The following HCN1 variants were observed in gnomAD, a reference collection of about 807,000 sequenced individuals.
The protein encoded by HCN1 is hyperpolarization activated cyclic nucleotide gated potassium channel 1.
A neutral mutation model predicts 78.9 loss-of-function variants in HCN1; 13 were observed. The observed-to-expected ratio is 0.16, with a 90% CI of 0.11 to 0.26. HCN1 has a LOEUF of 0.26. Ranked by LOEUF, HCN1 falls within the 10% of genes least tolerant of loss-of-function variation. The pLI, the probability that HCN1 is intolerant of heterozygous loss-of-function variation, is 1.00. For synonymous variants in HCN1, 552 were observed against 455.5 expected (o/e 1.21, Z -2.70); for missense variants, 810 against 1,154.3 (o/e 0.70, Z 4.32).
At chr5:45,452,510 T>C (rs1468791436) in intron 3 of HCN1, among the ~76,000 whole-genome samples, 4 of 151,572 alleles carry the variant, frequency 2.6e-5, no homozygotes, top group South Asian at 2.1e-4. Flanking sequence ...GTATATAAGA[T>C]AGTAAGATAG....
At chr5:45,329,632 G>T (rs757722361) in intron 5 of HCN1, among the ~76,000 whole-genome samples, 1 of 151,342 alleles carries the variant, frequency 6.6e-6, no homozygotes, top group Non-Finnish European at 1.5e-5. Context: ...AATTATTTTT[G>T]CAATGACTCA....
intron 1 of HCN1, among the ~76,000 whole-genome samples, chr5:45,667,202 T>C (rs991013268): frequency 6.6e-6 from 1 of 151,980 alleles, no homozygotes; most frequent in African/African-American, 2.4e-5. Context: ...CTTTCAACTA[T>C]CAGGAGCCCC....
intron 5 of HCN1, among the ~76,000 whole-genome samples, chr5:45,310,828 C>T (rs1245454551): frequency 6.6e-6 from 1 of 152,104 alleles, no homozygotes; most frequent in Admixed American, 6.6e-5. Context: ...GAATACTATG[C>T]AGCCATAAAA....
At position 45,302,449 on chromosome 5, in the gene HCN1, T is replaced by G. The variant is rs141698174; in HGVS notation, c.1618+1150A>C. On this transcript the variant is annotated intron_variant, in intron 6 of 7. Transcript: ENST00000303230. ...ACGGTCTCAGGTATTTACAGTAGTG[T>G]GAAAATGGACTAATACACAAGACAA... Among the ~76,000 whole-genome samples the G allele has an allele frequency of 2.3e-3, 356 of 152,066 alleles. 2 individuals carry two copies. Among genetic ancestry groups the G allele is most frequent in the South Asian group, 5.4e-3 (26 of 4,820 alleles).
At chr5:45,646,063 G>A (rs1745542907) in intron 1 of HCN1, among the ~76,000 whole-genome samples, 1 of 151,806 alleles carries the variant, frequency 6.6e-6, no homozygotes, top group Admixed American at 6.6e-5. Flanking sequence ...AAAAAACCCA[G>A]AAATAAATAG....
At chr5:45,678,311 A>T (rs1739634763) in intron 1 of HCN1, among the ~76,000 whole-genome samples, 1 of 151,944 alleles carries the variant, frequency 6.6e-6, no homozygotes, top group South Asian at 2.1e-4. Flanking sequence ...CTGAAACCGT[A>T]TGCATTGTTT....
intron 3 of HCN1, among the ~76,000 whole-genome samples, chr5:45,397,809 G>T (rs1184559484): frequency 6.6e-6 from 1 of 151,346 alleles, no homozygotes. Flanking sequence ...GTATTAATGT[G>T]ATATTTTGAT....
chr5:45,628,254 A>G (rs1266409642), intron 2 of HCN1, among the ~76,000 whole-genome samples: 1 of 152,192 alleles, frequency 6.6e-6, no homozygotes, highest in African/African-American at 2.4e-5. Flanking sequence ...GTGTCTCCCT[A>G]ACATCACTAT....
chr5:45,642,213 C>G (rs1056001308), intron 2 of HCN1: 79 of 152,200 alleles, frequency 5.2e-4, no homozygotes, highest in African/African-American at 1.8e-3. Flanking sequence ...CATCCCAAAT[C>G]TATTGATCTT....
intron 2 of HCN1, among the ~76,000 whole-genome samples, chr5:45,524,272 T>C (rs1213144481): frequency 1.3e-5 from 2 of 152,166 alleles, no homozygotes; most frequent in Non-Finnish European, 2.9e-5. Flanking sequence ...AGCCTTGTAG[T>C]ATAGTTTGAA....
intron 2 of HCN1, among the ~76,000 whole-genome samples, chr5:45,573,552 C>T (rs1743877319): frequency 1.3e-5 from 2 of 151,946 alleles, no homozygotes; most frequent in Admixed American, 1.3e-4. Context: ...TAAATGTTGT[C>T]CTTTGGTCAG....
intron 2 of HCN1, among the ~76,000 whole-genome samples, chr5:45,513,961 CAAG>C (rs1742470331): frequency 2.6e-5 from 4 of 152,188 alleles, no homozygotes; most frequent in African/African-American, 9.6e-5. Flanking sequence ...TACCAAGGGA[CAAG>C]AAGAAAACAT....
At chr5:45,368,783 A>AT (rs879426211) in intron 4 of HCN1, among the ~76,000 whole-genome samples, 1 of 151,908 alleles carries the variant, frequency 6.6e-6, no homozygotes, top group African/African-American at 2.4e-5. Flanking sequence ...GTTTTGCCAT[A>AT]TTTTTTTCTC....
intron 5 of HCN1, among the ~76,000 whole-genome samples, chr5:45,327,648 C>T (rs914512102): frequency 6.6e-6 from 1 of 151,536 alleles, no homozygotes; most frequent in African/African-American, 2.4e-5. Flanking sequence ...GTTGAAGCAA[C>T]TGTACCTGAG....
chr5:45,454,575 T>A (rs1740987243), intron 3 of HCN1, among the ~76,000 whole-genome samples: 1 of 152,014 alleles, frequency 6.6e-6, no homozygotes, highest in Admixed American at 6.6e-5. Flanking sequence ...ATAATACAAT[T>A]TCTAAGCCAT....
intron 2 of HCN1, among the ~76,000 whole-genome samples, chr5:45,539,954 AT>A (rs1392870590): frequency 4.9e-5 from 5 of 102,598 alleles, no homozygotes; most frequent in African/African-American, 1.5e-4. Flanking sequence ...ATATATATAT[AT>A]ATATAAAATG....
rs556907635 is a variant in HCN1 at position 45,288,124 on chromosome 5, C to G, written c.1618+15475G>C. Among the ~76,000 whole-genome samples, 26 of 152,116 alleles carry G rather than the reference C, an allele frequency of 1.7e-4. 1 individual carries two copies. Among genetic ancestry groups the G allele is most frequent in the African/African-American group, 6.3e-4 (26 of 41,522 alleles). ...CACCTACACTCTTAACCAGTATCCTCTCATCTCCCACCACATTTCAAGGAG... is the reference window on the plus strand; with the variant it reads ...CACCTACACTCTTAACCAGTATCCTGTCATCTCCCACCACATTTCAAGGAG... On this transcript the variant is annotated intron_variant, in intron 6 of 7. Coordinates refer to ENST00000303230, the MANE Select transcript of HCN1 (RefSeq NM_021072.4).
At chr5:45,518,247 A>G (rs1022390749) in intron 2 of HCN1, among the ~76,000 whole-genome samples, 1 of 151,894 alleles carries the variant, frequency 6.6e-6, no homozygotes, top group Admixed American at 6.6e-5. Flanking sequence ...ATCAGAGTAG[A>G]CTCTAAATTG....
chr5:45,262,164 C>T lies in HCN1; in HGVS notation c.2430G>A (p.Glu810=), dbSNP rs1744755026. 1.2e-6 allele frequency: 2 copies of T among 1,613,842 alleles called. No individual in the cohort carries two copies. Among genetic ancestry groups the T allele is most frequent in the Non-Finnish European group, 1.7e-6 (2 of 1,180,018 alleles). ...LISRPHPTVG[E]SLASIPQPVT... is the part of the protein sequence containing the mutation. ...CGGGTTGAGGGATGGAGGCCAGGGACTCGCCCACAGTGGGATGAGGTCTGG... is the reference window on the plus strand; with the variant it reads ...CGGGTTGAGGGATGGAGGCCAGGGATTCGCCCACAGTGGGATGAGGTCTGG... The change falls in exon 8 of 8, where the codon GAG becomes GAA. Residue 810 remains glutamate (E), a synonymous_variant. Coordinates refer to ENST00000303230, the MANE Select transcript of HCN1 (RefSeq NM_021072.4).
Sources: gnomAD v4.1 joint callset for allele counts (sites outside exome capture counted in the v4.1 genomes callset) on GRCh38, gnomAD v4.1.1 for gene constraint, MANE v1.5 for transcripts, NCBI Gene and HGNC (gene_info 2026-07-23, HGNC 2026-07-21) for gene names.